CUL7: variants seen among roughly 807,000 people sequenced by gnomAD.
The protein encoded by CUL7 is cullin-7.
A neutral mutation model predicts 177.7 loss-of-function variants in CUL7; 96 were observed. The ratio of observed to expected loss-of-function variants is 0.54; its 90% CI spans 0.46 to 0.64. CUL7 has a LOEUF of 0.64. CUL7 is among the 30% of genes least tolerant of loss of function. The probability of loss-of-function intolerance (pLI) is 0.00; values close to 1 mark genes in which losing one functional copy is unlikely to be tolerated. For missense variants in CUL7, 1,893 were observed against 2,187.9 expected (o/e 0.87, Z 2.69); for synonymous variants, 824 against 890.2 (o/e 0.93, Z 1.32).
At chr6:43,047,894 G>A in intron 9 of CUL7, 2 of 551,054 alleles carry the variant, frequency 3.6e-6, no homozygotes, top group East Asian at 3.0e-5. Flanking sequence ...GGGTGTGTGG[G>A]GGACCCTGGG....
At chr6:43,039,724 A>G (rs1020527781) in intron 22 of CUL7, among the ~76,000 whole-genome samples, 2 of 151,350 alleles carry the variant, frequency 1.3e-5, no homozygotes, top group Non-Finnish European at 2.9e-5. Flanking sequence ...ATGTAAATTA[A>G]AAGACCAACT....
chr6:43,040,694 C>A lies in CUL7; in HGVS notation c.3859G>T (p.Ala1287Ser), dbSNP rs755682092. Reference protein sequence around the residue: ...LGVVSSWLEGAVLEQIGPCFP... With the variant: ...LGVVSSWLEGSVLEQIGPCFP... ...CAGGGACCGATCTGCTCCAGCACGG[C>A]CCCCTCCAGCCAGCTCGAGACCACG... The change falls in exon 21 of 26, where the codon GCC (alanine) becomes TCC (serine). Residue 1287 changes from alanine (A) to serine (S), a missense_variant. Physicochemically the swap from Ala to Ser is moderately conservative, Grantham distance 99 (BLOSUM62 1). Around this residue, in one of 5 missense-constraint regions of CUL7, gnomAD observed 973 missense variants for 1,140.9 expected, o/e 0.85. Transcript: ENST00000265348. This position sits in a 1 kb window ranked among gnomAD's most constrained non-coding sequence, Gnocchi z 4.2. The A allele has an allele frequency of 1.2e-5, 20 of 1,614,072 alleles. No individual in the cohort carries two copies. The highest frequency in any genetic ancestry group is 1.7e-5 in the Non-Finnish European group (20 of 1,180,052).
Position 43,044,801 on chromosome 6 carries a change from G to T in CUL7, c.3123C>A (p.Thr1041=). ...CGGGGCTGACCAGGGCCTCCCAGCA[G>T]GTCTTGCCCAGAGCTTGGGCAGCCT... ...DDEAAQALGK[T]CWEALVSPVV... is the part of the protein sequence containing the mutation. The change falls in exon 16 of 26, where the codon ACC becomes ACA. Residue 1041 remains threonine (T), a synonymous_variant. Transcript: ENST00000265348. 1 of 1,613,792 alleles carries T rather than the reference G, an allele frequency of 6.2e-7. No homozygotes were observed. Among genetic ancestry groups the T allele is most frequent in the Non-Finnish European group, 8.5e-7 (1 of 1,179,688 alleles).
Position 43,046,567 on chromosome 6 carries a change from G to A in CUL7, c.2432C>T (p.Thr811Ile). Residue 811 changes from threonine to isoleucine, a missense_variant, in exon 11 of 26, where the codon ACC becomes ATC. By Grantham distance (89) the Thr-to-Ile change is moderately conservative. Transcript: ENST00000265348. ...VLGQIEDHRR[T>I]HQPINIPFFD... is the part of the protein sequence containing the mutation. ...GAAAGGGATGTTGATGGGTTGGTGG[G>A]TTCGTCTGTGGTCTTCGATCTGGCC... 1.9e-6 allele frequency: 3 copies of A among 1,614,128 alleles called. No individual in the cohort carries two copies. The highest frequency in any genetic ancestry group is 2.5e-6 in the Non-Finnish European group (3 of 1,180,014).
Position 43,053,700 on chromosome 6 carries a change from TTGGGCCCCACC to T in CUL7, c.-98_-88del. 1 of 1,418,140 alleles carries T rather than the reference TTGGGCCCCACC, an allele frequency of 7.1e-7. No individual in the cohort carries two copies. Among genetic ancestry groups the T allele is most frequent in the Non-Finnish European group, 9.2e-7 (1 of 1,091,634 alleles). 87.8% of individuals were successfully genotyped at this position (1,418,140 alleles called of 1,614,324 possible). A position where few individuals can be genotyped will look rare whatever the true frequency, so the allele number is the denominator to read the frequency against. ...ACGCGGCACAGACGCTGGCGGCGAC[TTGGGCCCCACC>T]TGGGCCCCGCGAGGGGGTCGAGACG... On this transcript the variant is annotated 5_prime_UTR_variant, in exon 1 of 26. Coordinates refer to ENST00000265348, the MANE Select transcript of CUL7 (RefSeq NM_014780.5). This position sits in a 1 kb window ranked among gnomAD's most constrained non-coding sequence, Gnocchi z 4.1.
In CUL7 at chr6:43,053,110, C is replaced by T. The variant is rs1764572167; in HGVS notation, c.-8-314G>A. Among the ~76,000 whole-genome samples, 1 of 152,112 alleles carries T rather than the reference C, an allele frequency of 6.6e-6. No homozygotes were observed. The highest frequency in any genetic ancestry group is 2.4e-5 in the African/African-American group (1 of 41,420). ...GGCAGCCTTGGAGTTACAAGTGAAT[C>T]CCAAGGCCTTGGAACAGGCAGCAAC... On this transcript the variant is annotated intron_variant, in intron 1 of 25. Coordinates refer to ENST00000265348, the MANE Select transcript of CUL7 (RefSeq NM_014780.5). This position sits in a 1 kb window ranked among gnomAD's most constrained non-coding sequence, Gnocchi z 4.1.
At position 43,043,693 on chromosome 6, in the gene CUL7, G is replaced by T; in HGVS notation, c.3173-63C>A. 1 of 1,115,666 alleles carries T rather than the reference G, an allele frequency of 9.0e-7. No individual in the cohort carries two copies. Among genetic ancestry groups the T allele is most frequent in the Non-Finnish European group, 1.3e-6 (1 of 747,482 alleles). The allele number at this position is 1,115,666 out of a possible 1,614,324, so 69.1% of individuals were successfully genotyped here. A position where few individuals can be genotyped will look rare whatever the true frequency, so the allele number is the denominator to read the frequency against. Reference sequence around the variant, plus strand: ...TCTGCAGGGAAGTGGGAGTGGTTGGGCTGAACAGGAGTGTGGAGATAGAGC... The same window carrying T: ...TCTGCAGGGAAGTGGGAGTGGTTGGTCTGAACAGGAGTGTGGAGATAGAGC... On this transcript the variant is annotated intron_variant, in intron 16 of 25. Transcript: ENST00000265348. The surrounding 1 kb of genome is among the most constrained non-coding windows in gnomAD (Gnocchi z 4.2).
At chr6:43,042,396 G>A (rs1198931806) in intron 19 of CUL7, among the ~76,000 whole-genome samples, 3 of 152,098 alleles carry the variant, frequency 2.0e-5, no homozygotes, top group African/African-American at 7.2e-5. Context: ...GTGCAGTGGT[G>A]CAATCTCGGC....
chr6:43,049,838 C>A, intron 6 of CUL7, 125 bp downstream of exon 6: 3 of 1,334,172 alleles, frequency 2.2e-6, no homozygotes, highest in Non-Finnish European at 2.1e-6. Flanking sequence ...ATTCCAGACC[C>A]CTCCTCTGCA....
intron 19 of CUL7, among the ~76,000 whole-genome samples, chr6:43,041,291 T>C (rs1763395036): frequency 6.6e-6 from 1 of 152,110 alleles, no homozygotes; most frequent in Admixed American, 6.5e-5. Flanking sequence ...GTCTAAAAAA[T>C]CAAACTAATA....
chr6:43,038,107 T>C (rs2150303771), intron 25 of CUL7, 96 bp from the exon 26 acceptor site: 1 of 1,509,184 alleles, frequency 6.6e-7, no homozygotes, highest in Non-Finnish European at 8.9e-7. Context: ...TAGGACAGGA[T>C]GCCCCAAGGA....
Position 43,051,328 on chromosome 6 carries a change from T to C in CUL7, c.873A>G (p.Gln291=), listed in dbSNP as rs760379164. ...TGGCCATACTGAACTCCAGCTCCAG[T>C]TGACCCCTCTCCCCACTCAACTCCT... ...APEELSGERG[Q]LELEFSMAMG... is the part of the protein sequence containing the mutation. The change falls in exon 4 of 26, where the codon CAA becomes CAG. Residue 291 remains glutamine (Q), a synonymous_variant. Transcript: ENST00000265348. The surrounding 1 kb of genome is among the most constrained non-coding windows in gnomAD (Gnocchi z 5.0). The C allele has an allele frequency of 6.2e-7, 1 of 1,610,860 alleles. No homozygotes were observed. The highest frequency in any genetic ancestry group is 1.7e-5 in the Admixed American group (1 of 59,826).
chr6:43,042,681 G>T, intron 19 of CUL7, 121 bp downstream of exon 19: 1 of 705,568 alleles, frequency 1.4e-6, no homozygotes, highest in South Asian at 1.6e-5. Flanking sequence ...CTTATAACAT[G>T]GCTATATACT....
Position 43,053,471 on chromosome 6 carries a change from C to T in CUL7, c.-9+151G>A, listed in dbSNP as rs562343698. ...GGTTGGAGACTGGAGAAGCCAGGGG[C>T]GCGCGGTAAGGTGGGGGAGAGGGGA... On this transcript the variant is annotated intron_variant, in intron 1 of 25. Transcript: ENST00000265348. This position sits in a 1 kb window ranked among gnomAD's most constrained non-coding sequence, Gnocchi z 4.1. 6.6e-6 allele frequency among the ~76,000 whole-genome samples: 1 copy of T among 151,748 alleles called. No individual in the cohort carries two copies. The highest frequency in any genetic ancestry group is 2.4e-5 in the African/African-American group (1 of 41,272).
intron 6 of CUL7, 91 bp downstream of exon 6, chr6:43,049,872 A>G (rs1207265241): frequency 7.0e-7 from 1 of 1,427,170 alleles, no homozygotes; most frequent in African/African-American, 1.4e-5. Flanking sequence ...TCTGACCTCC[A>G]CTTTTCATCC....
intron 9 of CUL7, among the ~76,000 whole-genome samples, chr6:43,047,508 G>A (rs540789484): frequency 7.9e-4 from 120 of 152,294 alleles, no homozygotes; most frequent in African/African-American, 2.8e-3. Context: ...GTTTGTGTGT[G>A]TATTATACCC....
chr6:43,044,703 T>C, intron 16 of CUL7, 49 bp downstream of exon 16: 1 of 1,583,504 alleles, frequency 6.3e-7, no homozygotes, highest in South Asian at 1.1e-5. Flanking sequence ...AACTAATTAG[T>C]GGAACCAAGC....
At chr6:43,039,445 G>A (rs1763223586) in intron 22 of CUL7, among the ~76,000 whole-genome samples, 1 of 152,150 alleles carries the variant, frequency 6.6e-6, no homozygotes, top group Non-Finnish European at 1.5e-5. Context: ...ACAGGTGACT[G>A]ACCAGAAAAG....
rs759549960 is a variant in CUL7, at chr6:43,051,051, G to A, written c.1150C>T (p.Arg384Trp). The A allele has an allele frequency of 1.7e-5, 28 of 1,614,084 alleles. No individual in the cohort carries two copies. Among genetic ancestry groups the A allele is most frequent in the Non-Finnish European group, 2.0e-5 (24 of 1,179,986 alleles). The part of the protein sequence containing the change: ...RDTLQPGMRV[R>W]MLDDYEEISA... ...ATCTCCTCATAATCATCCAGCATCC[G>A]CACTCGCATCCCCGGCTGCAGTGTG... The change falls in exon 4 of 26, where the codon CGG (arginine) becomes TGG (tryptophan). Residue 384 changes from arginine to tryptophan, a missense_variant. By Grantham distance (101) the Arg-to-Trp change is moderately radical. This residue lies in a region of CUL7 where 653 missense variants were observed against 725.2 expected (regional missense o/e 0.90). Coordinates refer to ENST00000265348, the MANE Select transcript of CUL7 (RefSeq NM_014780.5). The surrounding 1 kb of genome is among the most constrained non-coding windows in gnomAD (Gnocchi z 5.0).
Sources: allele counts gnomAD v4.1 joint callset (sites outside exome capture counted in the v4.1 genomes callset), GRCh38; gene constraint gnomAD v4.1.1; regional missense constraint gnomAD v4.1.1; non-coding constraint Gnocchi (gnomAD v3.1); transcripts MANE v1.5; gene names NCBI Gene and HGNC (gene_info 2026-07-23, HGNC 2026-07-21).